CCAR2: variants seen among roughly 807,000 people sequenced by gnomAD.
CCAR2 encodes cell cycle and apoptosis regulator protein 2.
In CCAR2, 21 loss-of-function variants were observed where a neutral mutation model predicts 108.1. The observed-to-expected ratio is 0.19, with a 90% CI of 0.14 to 0.28. The LOEUF (loss-of-function observed/expected upper bound fraction) is 0.28. CCAR2 is among the 10% of genes least tolerant of loss of function. CCAR2 has a pLI of 1.00. For missense variants in CCAR2, 1,126 were observed against 1,177.0 expected, an observed-to-expected ratio of 0.96 and a Z score of 0.63; for synonymous variants, 577 against 472.8, an observed-to-expected ratio of 1.22 and a Z score of -2.86.
chr8:22,614,766 G>GCTGCCTTCATCCTGATGGTTGT, intron 10 of CCAR2, 72 bp from the exon 11 acceptor site: 1 of 1,593,658 alleles, frequency 6.3e-7, no homozygotes, highest in Non-Finnish European at 8.6e-7. Flanking sequence ...CTGATGGGTG[G>GCTGCCTTCATCCTGATGGTTGT]CAGCCTTGCC....
At chr8:22,621,408 A>G (rs201665640), downstream of CCAR2, 12 of 1,610,376 alleles carry the variant, frequency 7.5e-6, no homozygotes, top group East Asian at 2.5e-4. Flanking sequence ...GAGTCCTCCA[A>G]GAGTGACGGG....
rs758593640 is a variant in CCAR2 at position 22,618,665 on chromosome 8, C to G, written c.2269C>G (p.Arg757Gly). The change falls in exon 18 of 21, where the codon CGG becomes GGG. Residue 757 changes from arginine to glycine, a missense_variant. Arg to Gly is a moderately radical substitution (Grantham distance 125, BLOSUM62 -2). Transcript: ENST00000308511. ...GGTGACCCAGAACATCTGCCAGTACCGGAGCCTTCAGTACAGCCGCCAGGA... is the reference window on the plus strand; with the variant it reads ...GGTGACCCAGAACATCTGCCAGTACGGGAGCCTTCAGTACAGCCGCCAGGA... The part of the protein sequence containing the change: ...RVVTQNICQY[R>G]SLQYSRQEGL... 1 of 1,614,080 alleles carries G rather than the reference C, an allele frequency of 6.2e-7. No individual in the cohort carries two copies. The highest frequency in any genetic ancestry group is 2.2e-5 in the East Asian group (1 of 44,878).
At chr8:22,607,560 T>C (rs1377155193) in intron 6 of CCAR2, among the ~76,000 whole-genome samples, 1 of 149,270 alleles carries the variant, frequency 6.7e-6, no homozygotes. Flanking sequence ...CTCTGCCTCC[T>C]GGGTTCAAGC....
At chr8:22,621,475 T>A (rs377103262), downstream of CCAR2, 150 of 1,613,748 alleles carry the variant, frequency 9.3e-5, no homozygotes, top group Non-Finnish European at 1.2e-4. Context: ...TTGGCCTCGT[T>A]CTCCCGCTCC....
Position 22,614,429 on chromosome 8 carries a change from C to G in CCAR2, c.967C>G (p.Arg323Gly). The change falls in exon 10 of 21, where the codon CGT becomes GGT. Residue 323 changes from arginine to glycine, a missense_variant. Coordinates refer to ENST00000308511, the MANE Select transcript of CCAR2 (RefSeq NM_001393997.1). Reference protein sequence around the residue: ...LSSPGLEELYRCCMLFVDDMA... With the variant: ...LSSPGLEELYGCCMLFVDDMA... ...TTCCCCGGGGTTGGAGGAATTGTAT[C>G]GTTGTTGCATGCTCTTTGTGGATGA... 1.2e-6 allele frequency: 2 copies of G among 1,614,154 alleles called. No homozygotes were observed. Among genetic ancestry groups the G allele is most frequent in the Non-Finnish European group, 1.7e-6 (2 of 1,180,038 alleles).
chr8:22,611,386 A>ATGTG (rs200942064), intron 7 of CCAR2, among the ~76,000 whole-genome samples: 3 of 9,008 alleles, frequency 3.3e-4, no homozygotes, highest in Admixed American at 1.4e-3. Context: ...AAAAGTATAT[A>ATGTG]TATGTGTGTG....
intron 16 of CCAR2, chr8:22,618,069 A>G: frequency 1.7e-6 from 1 of 590,458 alleles, no homozygotes; most frequent in Non-Finnish European, 3.0e-6. Flanking sequence ...GATGAACATC[A>G]GGCAAGGTGC....
At position 22,614,909 on chromosome 8, in the gene CCAR2, C is replaced by T. The variant is rs201108674; in HGVS notation, c.1113C>T (p.Leu371=). The T allele has an allele frequency of 1.3e-4, 214 of 1,613,742 alleles. 2 individuals are homozygous for T. The South Asian group carries it at 1.8e-3, about 13-fold the overall frequency. ...GGEWSPSLDG[L]DPQADPQVLV... The stretch of plus-strand genomic sequence containing the variant: ...AATGGTCTCCTTCCCTGGATGGCCT[C>T]GACCCCCAGGCTGACCCGCAGGTGC... The change falls in exon 11 of 21, where the codon CTC becomes CTT. Residue 371 remains leucine (L), a synonymous_variant. Transcript: ENST00000308511.
chr8:22,613,355 C>CTTT (rs5890057), intron 8 of CCAR2, among the ~76,000 whole-genome samples: 33 of 125,846 alleles, frequency 2.6e-4, no homozygotes, highest in East Asian at 1.2e-3. Context: ...AGATCTAGTT[C>CTTT]TTTTTTTTTT....
Position 22,618,110 on chromosome 8 carries a change from C to G in CCAR2, c.2074-239C>G, listed in dbSNP as rs531533233. On this transcript the variant is annotated intron_variant, in intron 16 of 20. Coordinates refer to ENST00000308511, the MANE Select transcript of CCAR2 (RefSeq NM_001393997.1). ...GTTTTGTTTTTTAGAGACGGGGTTT[C>G]GCTGTGTTGCCCAGGCTGGAGCACA... 10 of 602,436 alleles carry G rather than the reference C, an allele frequency of 1.7e-5. No homozygotes were observed. In the South Asian group the frequency reaches 2.0e-4, roughly 12 times the overall value. The allele number at this position is 602,436 out of a possible 1,614,324, so 37.3% of individuals were successfully genotyped here. A position where few individuals can be genotyped will look rare whatever the true frequency, so the allele number is the denominator to read the frequency against.
chr8:22,616,018 G>T lies in CCAR2; in HGVS notation c.1615G>T (p.Val539Leu), dbSNP rs540628326. The change falls in exon 14 of 21, where the codon GTG becomes TTG. Residue 539 changes from valine to leucine, a missense_variant. This residue lies in a region of CCAR2 where 1,013 missense variants were observed against 993.9 expected (regional missense o/e 1.02). Transcript: ENST00000308511. ...CCTCCCACCTCCCCATCAGGTGATG[G>T]TGCTGGCCGAGCTGTTTCTGGAGAT... ...PKERISFEVM[V>L]LAELFLEMLQ... 1 of 1,614,084 alleles carries T rather than the reference G, an allele frequency of 6.2e-7. No individual in the cohort carries two copies. Among genetic ancestry groups the T allele is most frequent in the East Asian group, 2.2e-5 (1 of 44,874 alleles).
At chr8:22,615,938 C>CTG in intron 13 of CCAR2, 26 bp downstream of exon 13, 1 of 1,613,266 alleles carries the variant, frequency 6.2e-7, no homozygotes, top group Non-Finnish European at 8.5e-7. Flanking sequence ...CTTGGGGAGG[C>CTG]TGTGGGCTGG....
chr8:22,621,403 C>T (rs1270722695), downstream of CCAR2: 4 of 1,608,450 alleles, frequency 2.5e-6, no homozygotes, highest in East Asian at 6.7e-5. Flanking sequence ...CACAGGAGTC[C>T]TCCAAGAGTG....
chr8:22,618,184 G>C, intron 16 of CCAR2, 165 bp from the exon 17 acceptor site: 1 of 854,308 alleles, frequency 1.2e-6, no homozygotes, highest in Non-Finnish European at 1.9e-6. Flanking sequence ...TCGAACTCCT[G>C]GGTTCAAGTG....
chr8:22,617,694 A>G lies in CCAR2; in HGVS notation c.1991-2A>G. On this transcript the variant is annotated splice_acceptor_variant, in intron 15 of 20. Transcript: ENST00000308511. LOFTEE classifies it high-confidence loss of function. ...TCTCCATTTATCTTGGCCTTTCTGTAGCAGGAGCAAAGCTGGAGGATTCGG... is the reference window on the plus strand; with the variant it reads ...TCTCCATTTATCTTGGCCTTTCTGTGGCAGGAGCAAAGCTGGAGGATTCGG... The G allele has an allele frequency of 6.2e-7, 1 of 1,614,194 alleles. No individual in the cohort carries two copies. Among genetic ancestry groups the G allele is most frequent in the Non-Finnish European group, 8.5e-7 (1 of 1,180,022 alleles).
At chr8:22,612,595 ATCCATATATGCGTC>A (rs1801329794) in intron 7 of CCAR2, 1 of 153,976 alleles carries the variant, frequency 6.5e-6, no homozygotes, top group Non-Finnish European at 1.4e-5. Flanking sequence ...CATAGCATGG[ATCCATATATGCGTC>A]TCTTGTTTTT....
chr8:22,610,388 T>C (rs1801228612), intron 7 of CCAR2, among the ~76,000 whole-genome samples: 2 of 152,206 alleles, frequency 1.3e-5, no homozygotes, highest in Admixed American at 1.3e-4. Context: ...TTTAGACAGG[T>C]GTACCCAGCT....
rs1192652922 is a variant in CCAR2 at position 22,614,870 on chromosome 8, G to A, written c.1074G>A (p.Val358=). The A allele has an allele frequency of 6.2e-7, 1 of 1,614,072 alleles. No individual in the cohort carries two copies. The highest frequency in any genetic ancestry group is 8.5e-7 in the Non-Finnish European group (1 of 1,180,038). Residue 358 remains valine, a synonymous_variant, in exon 11 of 21, where the codon GTG becomes GTA. Coordinates refer to ENST00000308511, the MANE Select transcript of CCAR2 (RefSeq NM_001393997.1). The stretch of plus-strand genomic sequence containing the variant: ...TGGGCAGGAAAGAAGAGGAGGCAGT[G>A]CTGGTTGGGGGTGAATGGTCTCCTT... ...FLLGRKEEEA[V]LVGGEWSPSL... is the part of the protein sequence containing the mutation.
At chr8:22,608,878 T>G (rs908072662) in intron 7 of CCAR2, among the ~76,000 whole-genome samples, 1 of 151,102 alleles carries the variant, frequency 6.6e-6, no homozygotes, top group African/African-American at 2.4e-5. Context: ...TTACCCAGCT[T>G]CTTCAAGTAT....
Sources: allele counts gnomAD v4.1 joint callset (sites outside exome capture counted in the v4.1 genomes callset), GRCh38; gene constraint gnomAD v4.1.1; regional missense constraint gnomAD v4.1.1; transcripts MANE v1.5; gene names NCBI Gene and HGNC (gene_info 2026-07-23, HGNC 2026-07-21).